The following C3 variants were observed in gnomAD, a reference collection of about 807,000 sequenced individuals.
C3 encodes the protein C3 and PZP-like alpha-2-macroglobulin domain-containing protein 1.
A neutral mutation model predicts 207.9 loss-of-function variants in C3; 97 were observed. The ratio of observed to expected loss-of-function variants is 0.47; its 90% CI spans 0.40 to 0.55. The LOEUF is 0.55. Among genes scored for constraint, C3 ranks in the 20% least tolerant of loss-of-function variants. The pLI is 0.00. For missense variants in C3, 1,684 were observed against 2,171.7 expected (o/e 0.78, Z 4.46); for synonymous variants, 848 against 857.6 (o/e 0.99, Z 0.20).
chr19:6,688,323 G>A (rs1279547006), intron 27 of C3, among the ~76,000 whole-genome samples: 1 of 152,038 alleles, frequency 6.6e-6, no homozygotes, highest in African/African-American at 2.4e-5. Flanking sequence ...TAGTAGAGAC[G>A]GGGTTTTGCC....
intron 25 of C3, 75 bp from the exon 26 acceptor site, chr19:6,693,158 G>T: frequency 6.5e-7 from 1 of 1,546,346 alleles, no homozygotes; most frequent in Non-Finnish European, 8.9e-7. Flanking sequence ...CAATGAGCGT[G>T]GGGGAGGGAC....
intron 4 of C3, among the ~76,000 whole-genome samples, chr19:6,715,986 G>C (rs1217975125): frequency 6.6e-6 from 1 of 152,096 alleles, no homozygotes. Context: ...GTGTACTCTG[G>C]TTAGCAGGAG....
At chr19:6,703,589 G>A (rs961376529) in intron 17 of C3, among the ~76,000 whole-genome samples, 10 of 152,002 alleles carry the variant, frequency 6.6e-5, no homozygotes, top group Admixed American at 4.6e-4. Flanking sequence ...CCTCGGTGAC[G>A]GAGTGAGACT....
chr19:6,713,213 A>C lies in C3; in HGVS notation c.979T>G (p.Ser327Ala). The C allele has an allele frequency of 6.2e-7, 1 of 1,613,708 alleles. No individual in the cohort carries two copies. Among genetic ancestry groups the C allele is most frequent in the Non-Finnish European group, 8.5e-7 (1 of 1,180,002 alleles). Residue 327 changes from serine (S) to alanine (A), a missense_variant, in exon 9 of 41, where the codon TCT becomes GCT. By Grantham distance (99) the Ser-to-Ala change is moderately conservative. Coordinates refer to ENST00000245907, the MANE Select transcript of C3 (RefSeq NM_000064.4). Reference sequence around the variant, plus strand: ...CCTGAGTGCAAGATGACGGTGGCAGACACGTACAAAGACTTCCCCACCAGG... The same window carrying C: ...CCTGAGTGCAAGATGACGGTGGCAGCCACGTACAAAGACTTCCCCACCAGG... ...EDLVGKSLYVSATVILHSGSD... is the reference protein window; with the variant it reads ...EDLVGKSLYVAATVILHSGSD...
intron 14 of C3, among the ~76,000 whole-genome samples, chr19:6,708,165 CT>C (rs1385529495): frequency 6.6e-6 from 1 of 151,760 alleles, no homozygotes; most frequent in Non-Finnish European, 1.5e-5. Flanking sequence ...GAGATGGAGT[CT>C]TGCTCTGTCA....
chr19:6,710,945 C>G, intron 12 of C3, 42 bp downstream of exon 12: 1 of 1,607,732 alleles, frequency 6.2e-7, no homozygotes, highest in East Asian at 2.2e-5. Flanking sequence ...GCGGAAGAAA[C>G]AAGGAGGAGG....
rs1252240997 is a variant in C3 at position 6,710,628 on chromosome 19, G to A, written c.1686+11C>T. 6 of 1,610,504 alleles carry A rather than the reference G, an allele frequency of 3.7e-6. No individual in the cohort carries two copies. The highest frequency in any genetic ancestry group is 5.1e-6 in the Non-Finnish European group (6 of 1,178,140). ...AGGGAGAGGGGGCGAGCGAGCCCAGGGCACACTTACCGAGCCCACGCAGGA... is the reference window on the plus strand; with the variant it reads ...AGGGAGAGGGGGCGAGCGAGCCCAGAGCACACTTACCGAGCCCACGCAGGA... On this transcript the variant is annotated intron_variant, in intron 13 of 40. Coordinates refer to ENST00000245907, the MANE Select transcript of C3 (RefSeq NM_000064.4).
Position 6,696,676 on chromosome 19 carries a change from G to A in C3, c.2797-17C>T. 1 of 1,610,964 alleles carries A rather than the reference G, an allele frequency of 6.2e-7. No individual in the cohort carries two copies. Among genetic ancestry groups the A allele is most frequent in the Non-Finnish European group, 8.5e-7 (1 of 1,177,258 alleles). ...TCCTTCCGGCTACGCAGTGTTAGAG[G>A]TGGGGGGAGTCGTTGGATGAATAAA... On this transcript the variant is annotated splice_polypyrimidine_tract_variant and intron_variant, in intron 21 of 40. Coordinates refer to ENST00000245907, the MANE Select transcript of C3 (RefSeq NM_000064.4).
At chr19:6,678,118 G>C (rs1917762750) in intron 40 of C3, 34 bp downstream of exon 40, 1 of 1,613,994 alleles carries the variant, frequency 6.2e-7, no homozygotes, top group Non-Finnish European at 8.5e-7. Flanking sequence ...GGGGCAGTCG[G>C]GCGGTCGCGC....
intron 13 of C3, among the ~76,000 whole-genome samples, chr19:6,710,401 G>C (rs759103359): frequency 2.1e-4 from 31 of 150,600 alleles, no homozygotes; most frequent in Non-Finnish European, 3.7e-4. Flanking sequence ...GAGGGAGAGA[G>C]AGAAGGAAAG....
intron 3 of C3, 21 bp from the exon 4 acceptor site, chr19:6,718,185 C>T: frequency 1.2e-6 from 2 of 1,614,138 alleles, no homozygotes; most frequent in Non-Finnish European, 1.7e-6. Flanking sequence ...ACAAAGAGGC[C>T]TCGTGAGACC....
chr19:6,696,770 G>C, intron 21 of C3, 111 bp from the exon 22 acceptor site: 1 of 1,078,648 alleles, frequency 9.3e-7, no homozygotes, highest in South Asian at 1.2e-5. Flanking sequence ...TGCCGGGCGC[G>C]GTGGCTCGTG....
At chr19:6,716,152 T>C (rs1465156478) in intron 4 of C3, among the ~76,000 whole-genome samples, 2 of 152,192 alleles carry the variant, frequency 1.3e-5, no homozygotes, top group African/African-American at 4.8e-5. Context: ...CTTGAACTCT[T>C]GGCCTCGAGC....
chr19:6,707,407 C>T (rs1346151458), intron 16 of C3, 59 bp downstream of exon 16: 2 of 1,605,966 alleles, frequency 1.2e-6, no homozygotes, highest in African/African-American at 2.7e-5. Flanking sequence ...CCTGCACGGC[C>T]GGGCTGGGGT....
intron 9 of C3, among the ~76,000 whole-genome samples, chr19:6,712,853 A>G (rs1967948868): frequency 6.7e-6 from 1 of 148,796 alleles, no homozygotes; most frequent in Admixed American, 6.7e-5. Flanking sequence ...ATCAGACCGG[A>G]CCCCACCTTT....
chr19:6,689,337 C>A (rs1376273321), intron 27 of C3, among the ~76,000 whole-genome samples: 17 of 48,870 alleles, frequency 3.5e-4, no homozygotes, highest in African/African-American at 1.6e-3. Flanking sequence ...ACCTCCCTCC[C>A]TCCCTCCCTC....
At chr19:6,680,955 T>C (rs1424420262) in intron 35 of C3, among the ~76,000 whole-genome samples, 1 of 151,942 alleles carries the variant, frequency 6.6e-6, no homozygotes, top group African/African-American at 2.4e-5. Flanking sequence ...TCCCAGCCCT[T>C]TGGGAGGCTG....
chr19:6,687,960 G>C (rs1442943344), intron 27 of C3, among the ~76,000 whole-genome samples: 5 of 151,374 alleles, frequency 3.3e-5, no homozygotes, highest in African/African-American at 1.2e-4. Context: ...GGGTTCAAGT[G>C]ATTCTCCTGC....
In C3 at chr19:6,678,292, A is replaced by G. The variant is rs1385497218; in HGVS notation, c.4715-5T>C. On this transcript the variant is annotated splice_region_variant and splice_polypyrimidine_tract_variant and intron_variant, in intron 39 of 40. Coordinates refer to ENST00000245907, the MANE Select transcript of C3 (RefSeq NM_000064.4). ...CAACCTGCACCTCATCCGAGCCTGG[A>G]GTGGAGGGGAGAGGGAAGAAGCTGA... is the stretch of plus-strand genomic sequence containing the variant. 1.2e-6 allele frequency: 2 copies of G among 1,613,978 alleles called. No homozygotes were observed. Among genetic ancestry groups the G allele is most frequent in the South Asian group, 1.1e-5 (1 of 91,068 alleles).
Sources: allele counts gnomAD v4.1 joint callset (sites outside exome capture counted in the v4.1 genomes callset), GRCh38; gene constraint gnomAD v4.1.1; transcripts MANE v1.5; gene names NCBI Gene and HGNC (gene_info 2026-07-23, HGNC 2026-07-21).